Variants in RAE1 observed in about 807,000 individuals in gnomAD.
RAE1 encodes ribonucleic acid export 1, also known as mRNA export factor RAE1.
RAE1 carries 13 observed loss-of-function variants against 52.7 expected under a neutral mutation model. The observed-to-expected ratio is 0.25, with a 90% CI of 0.16 to 0.39. The LOEUF is 0.39. RAE1 is among the 10% of genes least tolerant of loss of function. The probability of loss-of-function intolerance (pLI) is 1.00; values close to 1 mark genes in which losing one functional copy is unlikely to be tolerated. For synonymous variants in RAE1, 164 were observed against 153.1 expected (o/e 1.07, Z -0.52); for missense variants, 262 against 459.8 (o/e 0.57, Z 3.93).
intron 4 of RAE1, chr20:57,358,280 A>G (rs2066826836): frequency 6.6e-6 from 1 of 152,236 alleles, no homozygotes; most frequent in African/African-American, 2.4e-5. Context: ...ATAGTTGTAT[A>G]TAGCCTAAGA....
Position 57,359,017 on chromosome 20 carries a change from C to T in RAE1, c.288+2479C>T, listed in dbSNP as rs1418296529. On this transcript the variant is annotated intron_variant, in intron 4 of 11. Transcript: ENST00000395841. ...AATTTCACTGGTTGAAAGTAAGAGACAGCTGAACCTTCGTGTGGCCATTCA... is the reference window on the plus strand; with the variant it reads ...AATTTCACTGGTTGAAAGTAAGAGATAGCTGAACCTTCGTGTGGCCATTCA... The T allele has an allele frequency of 1.5e-5, 23 of 1,522,816 alleles. No individual in the cohort carries two copies. The East Asian group carries it at 5.7e-4, about 38-fold the overall frequency. 94.3% of individuals were successfully genotyped at this position (1,522,816 alleles called of 1,614,324 possible).
At chr20:57,374,899 C>T in intron 11 of RAE1, 98 bp downstream of exon 11, 3 of 1,358,962 alleles carry the variant, frequency 2.2e-6, no homozygotes, top group Non-Finnish European at 3.1e-6. Context: ...TCTCAGGACT[C>T]ACGTGTGTCC....
intron 5 of RAE1, among the ~76,000 whole-genome samples, chr20:57,366,370 T>A (rs1361665312): frequency 3.9e-5 from 6 of 152,234 alleles, no homozygotes; most frequent in African/African-American, 1.4e-4. Context: ...GCAGGTTGTA[T>A]GAGTATGGTG....
intron 11 of RAE1, 121 bp from the exon 12 acceptor site, chr20:57,377,888 TTTTA>T: frequency 2.9e-6 from 2 of 680,668 alleles, no homozygotes; most frequent in Non-Finnish European, 4.8e-6. Context: ...ATCTTTGTTG[TTTTA>T]TTTCTCTGAG....
chr20:57,359,113 A>G lies in RAE1; in HGVS notation c.288+2575A>G, dbSNP rs922873492. Reference sequence around the variant, plus strand: ...GGTCAGGATACCACAGCTGTTGAATATATGTCACTGGGCAGATAGTGCCTC... The same window carrying G: ...GGTCAGGATACCACAGCTGTTGAATGTATGTCACTGGGCAGATAGTGCCTC... On this transcript the variant is annotated intron_variant, in intron 4 of 11. Transcript: ENST00000395841. 5.5e-6 allele frequency: 6 copies of G among 1,094,224 alleles called. No individual in the cohort carries two copies. In the Admixed American group the frequency reaches 9.3e-5, roughly 17 times the overall value. The allele number at this position is 1,094,224 out of a possible 1,614,324, so 67.8% of individuals were successfully genotyped here.
At chr20:57,368,584 T>C in intron 7 of RAE1, 121 bp from the exon 8 acceptor site, 2 of 600,062 alleles carry the variant, frequency 3.3e-6, no homozygotes, top group Non-Finnish European at 5.9e-6. Context: ...TAGTGAAATA[T>C]AATCCCAGGA....
intron 3 of RAE1, among the ~76,000 whole-genome samples, chr20:57,355,392 TAA>T (rs1211648173): frequency 1.3e-5 from 2 of 152,218 alleles, no homozygotes; most frequent in Non-Finnish European, 2.9e-5. Context: ...TTTTTTTTAT[TAA>T]ATTAACAAAA....
At chr20:57,362,203 A>G (rs965607006) in intron 4 of RAE1, among the ~76,000 whole-genome samples, 5 of 152,240 alleles carry the variant, frequency 3.3e-5, no homozygotes, top group African/African-American at 4.8e-5. Flanking sequence ...TTTAGCTTAT[A>G]TATAAGAAAT....
At chr20:57,359,000 T>C (rs749860270) in intron 4 of RAE1, 3 of 1,517,860 alleles carry the variant, frequency 2.0e-6, no homozygotes, top group South Asian at 2.5e-5. Flanking sequence ...TCAATTTCAC[T>C]GGTTGAAAGT....
At chr20:57,361,621 G>A (rs1473808796) in intron 4 of RAE1, among the ~76,000 whole-genome samples, 1 of 152,166 alleles carries the variant, frequency 6.6e-6, no homozygotes, top group African/African-American at 2.4e-5. Context: ...TGGTTGTTAT[G>A]TCAGTCCGGA....
chr20:57,361,088 GAGAAAGAAAGAA>G (rs111818954), intron 4 of RAE1, among the ~76,000 whole-genome samples: 141 of 151,468 alleles, frequency 9.3e-4, no homozygotes, highest in East Asian at 4.8e-3. Context: ...ATTAAAGTAT[GAGAAAGAAAGAA>G]AGAAAGAAAG....
At chr20:57,364,191 T>A (rs2066924798) in intron 4 of RAE1, among the ~76,000 whole-genome samples, 1 of 152,236 alleles carries the variant, frequency 6.6e-6, no homozygotes, top group Non-Finnish European at 1.5e-5. Context: ...GTTCAAACTC[T>A]GCAGTTGAAG....
At position 57,373,644 on chromosome 20, in the gene RAE1, A is replaced by G. The variant is rs774357845; in HGVS notation, c.750-19A>G. 2.6e-5 allele frequency: 42 copies of G among 1,613,706 alleles called. No homozygotes were observed. Among genetic ancestry groups the G allele is most frequent in the Non-Finnish European group, 3.5e-5 (41 of 1,179,682 alleles). On this transcript the variant is annotated intron_variant, in intron 9 of 11. Coordinates refer to ENST00000395841, the MANE Select transcript of RAE1 (RefSeq NM_003610.4). ...CTTTTTTTAACAAAGGAAGACTTAC[A>G]TGAACCTTTGTCTTTCAGCGCCAAA... is the stretch of plus-strand genomic sequence containing the variant.
chr20:57,373,184 C>G (rs2146175029), intron 8 of RAE1: 1 of 396,986 alleles, frequency 2.5e-6, no homozygotes, highest in South Asian at 2.7e-5. Context: ...CGCTGTCTGC[C>G]TCGCAGCCCA....
At chr20:57,366,597 C>T (rs767935297) in intron 5 of RAE1, among the ~76,000 whole-genome samples, 11 of 152,228 alleles carry the variant, frequency 7.2e-5, no homozygotes, top group Non-Finnish European at 1.2e-4. Context: ...ACCTTCAACA[C>T]TGGGGATTAC....
intron 11 of RAE1, chr20:57,375,245 G>A (rs1481524836): frequency 1.1e-5 from 6 of 564,992 alleles, no homozygotes; most frequent in African/African-American, 4.5e-5. Flanking sequence ...GTGTAGACTC[G>A]GGTACTCTGC....
Position 57,373,569 on chromosome 20 carries a change from A to G in RAE1, c.737A>G (p.Asn246Ser), listed in dbSNP as rs200250805. The change falls in exon 9 of 12, where the codon AAC becomes AGC. Residue 246 changes from asparagine to serine, a missense_variant. Coordinates refer to ENST00000395841, the MANE Select transcript of RAE1 (RefSeq NM_003610.4). ...GGGAGAGTTGCTATTCACTATATCA[A>G]CCCCCCGAACCCGTAAGTGTGACTC... is the stretch of plus-strand genomic sequence containing the variant. Reference protein sequence around the residue: ...IEGRVAIHYINPPNPAKDNFT... With the variant: ...IEGRVAIHYISPPNPAKDNFT... 5.9e-5 allele frequency: 95 copies of G among 1,613,436 alleles called. 1 individual carries two copies. The highest frequency in any genetic ancestry group is 5.3e-4 in the South Asian group (48 of 91,036).
chr20:57,376,595 C>T (rs557149573), intron 11 of RAE1, among the ~76,000 whole-genome samples: 5 of 152,318 alleles, frequency 3.3e-5, no homozygotes, highest in East Asian at 1.9e-4. Flanking sequence ...GTAGTATTCC[C>T]GGGTGGGGTG....
At chr20:57,354,624 C>T (rs1458925269) in intron 2 of RAE1, 88 bp from the exon 3 acceptor site, 2 of 892,986 alleles carry the variant, frequency 2.2e-6, no homozygotes, top group Non-Finnish European at 3.3e-6. Context: ...CAAGGAAAGG[C>T]CACCGTGAGG....
Sources: allele counts gnomAD v4.1 joint callset (sites outside exome capture counted in the v4.1 genomes callset), GRCh38; gene constraint gnomAD v4.1.1; transcripts MANE v1.5; gene names NCBI Gene and HGNC (gene_info 2026-07-23, HGNC 2026-07-21).